DPP6: variants seen among roughly 807,000 people sequenced by gnomAD.
DPP6 encodes dipeptidyl peptidase like 6, also known as A-type potassium channel modulatory protein DPP6.
Under a neutral mutation model 122.6 loss-of-function variants are expected in DPP6, and 69 were observed. That is an observed-to-expected ratio of 0.56 (90% CI 0.46 to 0.69). The LOEUF is 0.69. Among genes scored for constraint, DPP6 ranks in the 30% least tolerant of loss-of-function variants. The pLI is 0.00. For missense variants in DPP6, 928 were observed against 1,116.9 expected (o/e 0.83, Z 2.41); for synonymous variants, 418 against 433.1 (o/e 0.97, Z 0.43).
At chr7:154,090,957 A>G (rs1585354526) in intron 1 of DPP6, among the ~76,000 whole-genome samples, 2 of 149,640 alleles carry the variant, frequency 1.3e-5, no homozygotes, top group African/African-American at 2.5e-5. Flanking sequence ...CGTCTCTACT[A>G]AAAATACAAA....
At chr7:154,379,691 T>C (rs1813427478) in intron 1 of DPP6, among the ~76,000 whole-genome samples, 1 of 152,184 alleles carries the variant, frequency 6.6e-6, no homozygotes, top group Non-Finnish European at 1.5e-5. Flanking sequence ...TGCTAAAAAT[T>C]ATTGTCATAG....
chr7:154,693,231 A>G (rs1840034051), intron 7 of DPP6, among the ~76,000 whole-genome samples: 1 of 152,116 alleles, frequency 6.6e-6, no homozygotes, highest in South Asian at 2.1e-4. Flanking sequence ...TGCAGTTGCA[A>G]TTGTGTGCTA....
chr7:154,544,202 G>A lies in DPP6; in HGVS notation c.552+3576G>A, dbSNP rs111958260. ...ATTTCCTGATCCTTATTATTTGATAGCATATCATATTTGATGGTAGCTAAG... is the reference window on the plus strand; with the variant it reads ...ATTTCCTGATCCTTATTATTTGATAACATATCATATTTGATGGTAGCTAAG... On this transcript the variant is annotated intron_variant, in intron 4 of 25. Transcript: ENST00000377770. 3.2e-3 allele frequency among the ~76,000 whole-genome samples: 483 copies of A among 148,714 alleles called. 1 individual carries two copies. The highest frequency in any genetic ancestry group is 5.6e-3 in the Non-Finnish European group (378 of 67,356).
intron 20 of DPP6, among the ~76,000 whole-genome samples, chr7:154,879,703 G>A (rs568619106): frequency 9.9e-5 from 15 of 152,222 alleles, no homozygotes; most frequent in South Asian, 2.1e-4. Flanking sequence ...GGTGAGCCAC[G>A]ATCACGCCAC....
intron 17 of DPP6, among the ~76,000 whole-genome samples, chr7:154,864,853 T>C (rs1262142868): frequency 6.6e-6 from 1 of 152,248 alleles, no homozygotes; most frequent in Non-Finnish European, 1.5e-5. Context: ...AAACCAGAAC[T>C]CTCAGATCCG....
At chr7:154,341,605 T>C (rs545638444) in intron 1 of DPP6, among the ~76,000 whole-genome samples, 1 of 151,912 alleles carries the variant, frequency 6.6e-6, no homozygotes, top group South Asian at 2.1e-4. Context: ...GTTCAAGAAA[T>C]TGAATAATAG....
chr7:154,841,916 G>C (rs561654145), intron 16 of DPP6, among the ~76,000 whole-genome samples: 1 of 152,112 alleles, frequency 6.6e-6, no homozygotes, highest in Non-Finnish European at 1.5e-5. Flanking sequence ...TGATGTCAGC[G>C]ATAACAAGGT....
intron 1 of DPP6, among the ~76,000 whole-genome samples, chr7:154,215,441 A>G (rs4424168): frequency 0.76 from 115,181 of 152,062 alleles, 44,361 homozygotes; most frequent in Non-Finnish European, 0.82. Flanking sequence ...AGAACTGAGA[A>G]ACAGTTGAGA....
At chr7:153,926,272 G>A (rs1326268922) in intron 1 of DPP6, among the ~76,000 whole-genome samples, 4 of 152,092 alleles carry the variant, frequency 2.6e-5, no homozygotes, top group African/African-American at 9.7e-5. Flanking sequence ...AGTTTAAATT[G>A]TCTCATTAAT....
upstream of DPP6, among the ~76,000 whole-genome samples, chr7:153,883,564 G>C (rs1339842192): frequency 6.6e-6 from 1 of 152,158 alleles, no homozygotes; most frequent in Non-Finnish European, 1.5e-5. Context: ...AATTTTAGTA[G>C]AGACGGGATT....
chr7:154,199,569 T>A (rs1799056737), intron 1 of DPP6, among the ~76,000 whole-genome samples: 2 of 152,110 alleles, frequency 1.3e-5, no homozygotes, highest in South Asian at 4.1e-4. Context: ...GAGTTTATAA[T>A]AAAAATTAAC....
chr7:154,854,936 C>T (rs1802703883), intron 17 of DPP6, among the ~76,000 whole-genome samples: 1 of 152,148 alleles, frequency 6.6e-6, no homozygotes, highest in Admixed American at 6.5e-5. Flanking sequence ...TTCAGGAACC[C>T]CTTCCCTGGC....
At chr7:154,461,653 A>G (rs889010282) in intron 2 of DPP6, among the ~76,000 whole-genome samples, 1 of 152,062 alleles carries the variant, frequency 6.6e-6, no homozygotes, top group African/African-American at 2.4e-5. Flanking sequence ...CCTGTTTACC[A>G]TTTGTATGTC....
At chr7:154,274,533 G>A (rs1427945743) in intron 1 of DPP6, among the ~76,000 whole-genome samples, 3 of 152,196 alleles carry the variant, frequency 2.0e-5, no homozygotes, top group African/African-American at 7.2e-5. Flanking sequence ...TCACCTCTTG[G>A]CAACCAGAAG....
chr7:154,838,659 C>CG (rs1801276492), intron 16 of DPP6: 1 of 152,272 alleles, frequency 6.6e-6, no homozygotes, highest in African/African-American at 2.4e-5. Context: ...AGCCAGGGTG[C>CG]TGGCCCCTAA....
At chr7:154,061,322 A>G (rs1410099653) in intron 1 of DPP6, among the ~76,000 whole-genome samples, 1 of 148,362 alleles carries the variant, frequency 6.7e-6, no homozygotes, top group African/African-American at 2.5e-5. Context: ...CCCTGGGGCT[A>G]CCCGATCTGA....
chr7:153,848,307 G>T, the DPP6 span, among the ~76,000 whole-genome samples: 1 of 130,368 alleles, frequency 7.7e-6, no homozygotes, highest in Non-Finnish European at 1.5e-5. Context: ...GAGCAGTCCT[G>T]CACGTGGATG....
intron 1 of DPP6, among the ~76,000 whole-genome samples, chr7:154,029,378 G>A (rs367677227): frequency 7.6e-4 from 115 of 151,442 alleles, no homozygotes; most frequent in South Asian, 6.9e-3. Context: ...ATAGCTGGGC[G>A]CGGTGGCGGG....
chr7:154,295,971 GTC>G (rs1184432806), intron 1 of DPP6, among the ~76,000 whole-genome samples: 2 of 134,348 alleles, frequency 1.5e-5, no homozygotes, highest in Non-Finnish European at 1.5e-5. Flanking sequence ...TTGAGACAGA[GTC>G]TCTCTCTGTC....
Sources: allele counts gnomAD v4.1 joint callset (sites outside exome capture counted in the v4.1 genomes callset), GRCh38; gene constraint gnomAD v4.1.1; transcripts MANE v1.5; gene names NCBI Gene and HGNC (gene_info 2026-07-23, HGNC 2026-07-21).